B3GALT1: variants seen among roughly 807,000 people sequenced by gnomAD.
B3GALT1 encodes beta-1,3-galactosyltransferase 1, also known as UDP-Gal:betaGlcNAc beta 1,3-galactosyltransferase, polypeptide 1.
In B3GALT1, 10 loss-of-function variants were observed where a neutral mutation model predicts 23.2. The observed-to-expected ratio is 0.43, with a 90% CI of 0.27 to 0.73. The LOEUF is 0.73. Ranked by LOEUF, B3GALT1 falls within the 30% of genes least tolerant of loss-of-function variation. The pLI is 0.21. For missense variants in B3GALT1, 299 were observed against 405.4 expected (o/e 0.74, Z 2.25); for synonymous variants, 156 against 141.5 (o/e 1.10, Z -0.73).
At chr2:167,719,100 T>C (rs1417653443) in intron 3 of B3GALT1, among the ~76,000 whole-genome samples, 1 of 152,246 alleles carries the variant, frequency 6.6e-6, no homozygotes. Context: ...TTAGTTATTA[T>C]AGCAGTCAAG....
intron 3 of B3GALT1, among the ~76,000 whole-genome samples, chr2:167,665,714 T>G (rs1286790456): frequency 6.6e-6 from 1 of 152,202 alleles, no homozygotes; most frequent in Non-Finnish European, 1.5e-5. Flanking sequence ...GTCGAGGAAT[T>G]TATCCATTTC....
At position 167,455,588 on chromosome 2, in the gene B3GALT1, A is replaced by G. The variant is rs546303190; in HGVS notation, c.-510-34589A>G. The stretch of plus-strand genomic sequence containing the variant: ...GAGTGCAGTGGTGCGATCTCGGCTC[A>G]CTGCAATCTATGCCTCCAGGTTCAA... On this transcript the variant is annotated intron_variant, in intron 1 of 4. Transcript: ENST00000392690. 3.3e-5 allele frequency among the ~76,000 whole-genome samples: 5 copies of G among 152,194 alleles called. No individual in the cohort carries two copies. In the South Asian group the frequency reaches 1.0e-3, roughly 32 times the overall value.
At chr2:167,789,478 A>T (rs1688397992) in intron 3 of B3GALT1, among the ~76,000 whole-genome samples, 1 of 152,196 alleles carries the variant, frequency 6.6e-6, no homozygotes. Flanking sequence ...GAGCATAAAT[A>T]AAGCCTTTGG....
At chr2:167,559,974 G>A (rs531703734) in intron 2 of B3GALT1, among the ~76,000 whole-genome samples, 17 of 152,060 alleles carry the variant, frequency 1.1e-4, no homozygotes, top group African/African-American at 2.7e-4. Flanking sequence ...GATACTCCTC[G>A]AGAAGAGCAA....
intron 1 of B3GALT1, among the ~76,000 whole-genome samples, chr2:167,331,959 G>A (rs780423237): frequency 2.0e-4 from 31 of 152,194 alleles, no homozygotes; most frequent in Non-Finnish European, 3.1e-4. Flanking sequence ...ATGCGCAGCT[G>A]CGTGGGATTG....
intron 1 of B3GALT1, among the ~76,000 whole-genome samples, chr2:167,350,144 A>G (rs1178214114): frequency 6.6e-6 from 1 of 152,218 alleles, no homozygotes; most frequent in Non-Finnish European, 1.5e-5. Flanking sequence ...TCGTTGAAAA[A>G]GATTTTAATT....
intron 3 of B3GALT1, among the ~76,000 whole-genome samples, chr2:167,720,521 A>G (rs986193096): frequency 2.6e-5 from 4 of 152,210 alleles, no homozygotes; most frequent in African/African-American, 4.8e-5. Context: ...TGCAAGATCC[A>G]TGAAGAGGAT....
At chr2:167,812,070 T>C (rs1254679179) in intron 3 of B3GALT1, among the ~76,000 whole-genome samples, 1 of 152,222 alleles carries the variant, frequency 6.6e-6, no homozygotes, top group African/African-American at 2.4e-5. Flanking sequence ...ACAAAATGCC[T>C]ATAGAAAAAT....
At chr2:167,508,327 C>G (rs1037230958) in intron 2 of B3GALT1, among the ~76,000 whole-genome samples, 2 of 148,170 alleles carry the variant, frequency 1.3e-5, no homozygotes, top group African/African-American at 5.0e-5. Context: ...GCAGTGATCT[C>G]GGCTCACTGC....
chr2:167,664,141 A>C (rs1686127319), intron 3 of B3GALT1, among the ~76,000 whole-genome samples: 1 of 150,090 alleles, frequency 6.7e-6, no homozygotes, highest in South Asian at 2.1e-4. Flanking sequence ...TTTTTGTATA[A>C]GGTGTAAGGA....
At chr2:167,321,537 C>G (rs1222258684) in intron 1 of B3GALT1, among the ~76,000 whole-genome samples, 2 of 152,046 alleles carry the variant, frequency 1.3e-5, no homozygotes, top group Non-Finnish European at 2.9e-5. Flanking sequence ...CAGAGGATCT[C>G]CCTGAATATC....
intron 1 of B3GALT1, among the ~76,000 whole-genome samples, chr2:167,299,245 A>G (rs1424520193): frequency 6.6e-6 from 1 of 152,210 alleles, no homozygotes; most frequent in Non-Finnish European, 1.5e-5. Flanking sequence ...CCTAGCACCC[A>G]GGCAAAAACA....
intron 1 of B3GALT1, among the ~76,000 whole-genome samples, chr2:167,333,911 C>T (rs566403852): frequency 1.3e-5 from 2 of 152,128 alleles, no homozygotes; most frequent in African/African-American, 2.4e-5. Flanking sequence ...CACCGAGAAA[C>T]CTTCTTATTT....
intron 1 of B3GALT1, among the ~76,000 whole-genome samples, chr2:167,483,733 A>T (rs1426508163): frequency 6.6e-6 from 1 of 152,218 alleles, no homozygotes; most frequent in African/African-American, 2.4e-5. Context: ...CTTGTAAAAT[A>T]GCTCAATCAG....
rs555812395 is a variant in B3GALT1 at position 167,330,509 on chromosome 2, C to G, written c.-511+37175C>G. Among the ~76,000 whole-genome samples the G allele has an allele frequency of 3.3e-5, 5 of 152,286 alleles. No homozygotes were observed. In the East Asian group the frequency reaches 9.7e-4, roughly 29 times the overall value. On this transcript the variant is annotated intron_variant, in intron 1 of 4. Coordinates refer to ENST00000392690, the MANE Select transcript of B3GALT1 (RefSeq NM_020981.4). ...CCTGTAGTGCCAGCAACTTGGGTGG[C>G]TGAGGTGGGAGGATCACCTGAGCCC...
intron 3 of B3GALT1, among the ~76,000 whole-genome samples, chr2:167,656,167 C>A (rs956282577): frequency 1.3e-5 from 2 of 152,106 alleles, no homozygotes; most frequent in African/African-American, 4.8e-5. Context: ...GGCCTTCAAA[C>A]TGAAAACCAC....
At chr2:167,754,731 C>G (rs1401384632) in intron 3 of B3GALT1, among the ~76,000 whole-genome samples, 1 of 152,126 alleles carries the variant, frequency 6.6e-6, no homozygotes, top group African/African-American at 2.4e-5. Context: ...CTAGAAGCAC[C>G]CACTGAGTTC....
intron 1 of B3GALT1, among the ~76,000 whole-genome samples, chr2:167,371,906 G>A (rs1238681350): frequency 6.6e-6 from 1 of 151,678 alleles, no homozygotes; most frequent in Non-Finnish European, 1.5e-5. Flanking sequence ...CATAAAGGGA[G>A]TTGATCGTAT....
At chr2:167,505,208 T>C (rs1474679230) in intron 2 of B3GALT1, among the ~76,000 whole-genome samples, 1 of 152,168 alleles carries the variant, frequency 6.6e-6, no homozygotes, top group Non-Finnish European at 1.5e-5. Flanking sequence ...CTGATTAAAA[T>C]GAAGAGATGA....
Sources: allele counts gnomAD v4.1 joint callset (sites outside exome capture counted in the v4.1 genomes callset), GRCh38; gene constraint gnomAD v4.1.1; transcripts MANE v1.5; gene names NCBI Gene and HGNC (gene_info 2026-07-23, HGNC 2026-07-21).